CNOT7: variants seen among roughly 807,000 people sequenced by gnomAD.
The protein encoded by CNOT7 is BTG1-binding factor 1.
Under a neutral mutation model 37.1 loss-of-function variants are expected in CNOT7, and 4 were observed. The observed-to-expected ratio is 0.11, with a 90% CI of 0.05 to 0.25. The LOEUF (loss-of-function observed/expected upper bound fraction) is 0.25. CNOT7 is among the 10% of genes least tolerant of loss of function. The pLI, the probability that CNOT7 is intolerant of heterozygous loss-of-function variation, is 1.00. For missense variants in CNOT7, 170 were observed against 336.2 expected (o/e 0.51, Z 3.87); for synonymous variants, 128 against 115.6 (o/e 1.11, Z -0.69).
Position 17,246,826 on chromosome 8 carries a change from G to T in CNOT7, c.-247C>A, listed in dbSNP as rs575712715. ...GAAGGGAAAGGCGAGCAGGAGCTGC[G>T]CCGCACCGTGCTGCGCCGTCGCTTT... On this transcript the variant is annotated 5_prime_UTR_variant, in exon 1 of 7. Coordinates refer to ENST00000361272, the MANE Select transcript of CNOT7 (RefSeq NM_013354.7). The T allele has an allele frequency of 9.9e-5, 25 of 252,952 alleles. No individual in the cohort carries two copies. Among genetic ancestry groups the T allele is most frequent in the South Asian group, 9.3e-4 (25 of 26,960 alleles). The allele number at this position is 252,952 out of a possible 1,614,324, so 15.7% of individuals were successfully genotyped here. A position where few individuals can be genotyped will look rare whatever the true frequency, so the allele number is the denominator to read the frequency against.
At chr8:17,241,661 T>A (rs1810184082) in intron 3 of CNOT7, 1 of 152,278 alleles carries the variant, frequency 6.6e-6, no homozygotes, top group Admixed American at 6.5e-5. Flanking sequence ...AACAATGCAA[T>A]ATTGCAACAT....
intron 3 of CNOT7, among the ~76,000 whole-genome samples, chr8:17,238,923 G>A (rs773323305): frequency 7.2e-5 from 11 of 152,178 alleles, no homozygotes; most frequent in East Asian, 1.9e-4. Context: ...TGCCTTAGAC[G>A]CTATTCCATG....
At chr8:17,241,019 G>T (rs1810086917) in intron 3 of CNOT7, among the ~76,000 whole-genome samples, 4 of 152,174 alleles carry the variant, frequency 2.6e-5, no homozygotes, top group Admixed American at 2.6e-4. Context: ...CTGGGCCAAG[G>T]GTTGGACAAG....
intron 3 of CNOT7, among the ~76,000 whole-genome samples, chr8:17,238,580 A>G (rs768595184): frequency 1.3e-5 from 2 of 151,784 alleles, no homozygotes; most frequent in African/African-American, 4.8e-5. Flanking sequence ...AAAAATTAGA[A>G]TCTCATTCAT....
intron 3 of CNOT7, 187 bp downstream of exon 3, chr8:17,242,803 AAC>A: frequency 2.3e-6 from 1 of 426,914 alleles, no homozygotes; most frequent in Non-Finnish European, 4.1e-6. Context: ...TAACATCTTT[AAC>A]ATCAAAGTAT....
At chr8:17,240,020 C>G (rs148411748) in intron 3 of CNOT7, among the ~76,000 whole-genome samples, 2 of 152,328 alleles carry the variant, frequency 1.3e-5, no homozygotes, top group African/African-American at 4.8e-5. Flanking sequence ...GTTATAAAGA[C>G]CACGACCAAC....
chr8:17,234,675 G>C (rs1563193234), intron 5 of CNOT7, 41 bp downstream of exon 5: 2 of 1,608,134 alleles, frequency 1.2e-6, no homozygotes, highest in Non-Finnish European at 1.7e-6. Context: ...CACTTGGTCT[G>C]AACAGTGTGC....
At chr8:17,238,328 G>C (rs989437392) in intron 3 of CNOT7, among the ~76,000 whole-genome samples, 1 of 150,730 alleles carries the variant, frequency 6.6e-6, no homozygotes, top group African/African-American at 2.5e-5. Context: ...CACTTCACTT[G>C]GGCCAAAAAG....
At chr8:17,234,592 A>C (rs954057261) in intron 5 of CNOT7, 124 bp downstream of exon 5, 42 of 1,004,010 alleles carry the variant, frequency 4.2e-5, no homozygotes, top group Middle Eastern at 2.1e-4. Context: ...TGACCAGATA[A>C]TATAATTGCA....
rs553823414 is a variant in CNOT7, at chr8:17,244,850, T to C, written c.117+186A>G. On this transcript the variant is annotated intron_variant, in intron 2 of 6. Transcript: ENST00000361272. ...CGTTTTCCCTCACTGCAATGAGGGA[T>C]AAACCCAACCTGTCAAATCACAGGT... 36 of 554,582 alleles carry C rather than the reference T, an allele frequency of 6.5e-5. 1 individual carries two copies. The South Asian group carries it at 7.4e-4, about 11-fold the overall frequency. 34.4% of individuals were successfully genotyped at this position (554,582 alleles called of 1,614,324 possible).
intron 3 of CNOT7, among the ~76,000 whole-genome samples, chr8:17,239,485 G>T (rs1256204773): frequency 1.3e-5 from 2 of 152,110 alleles, no homozygotes; most frequent in Admixed American, 1.3e-4. Flanking sequence ...TTGAATTACT[G>T]CAATCACCAA....
rs1810721768 is a variant in CNOT7 at position 17,245,065 on chromosome 8, C to G, written c.88G>C (p.Val30Leu). The change falls in exon 2 of 7, where the codon GTT (valine) becomes CTT (leucine). Residue 30 changes from valine to leucine, a missense_variant. By Grantham distance (32) the Val-to-Leu change is conservative. Around this residue, in one of 6 missense-constraint regions of CNOT7, gnomAD observed 38 missense variants for 36.9 expected, o/e 1.03. Transcript: ENST00000361272. ...LDEEMKKIRQ[V>L]IRKYNYVAMD... ...GCAACGTAATTATATTTTCGGATAA[C>G]TTGACGAATTTTCTTCATCTCTTCA... 6.2e-7 allele frequency: 1 copy of G among 1,613,702 alleles called. No individual in the cohort carries two copies. The highest frequency in any genetic ancestry group is 8.5e-7 in the Non-Finnish European group (1 of 1,179,798).
chr8:17,236,735 T>A (rs766314193), intron 4 of CNOT7, among the ~76,000 whole-genome samples: 1 of 152,196 alleles, frequency 6.6e-6, no homozygotes, highest in Non-Finnish European at 1.5e-5. Flanking sequence ...CCCACCCCCA[T>A]GAGAATATAA....
intron 4 of CNOT7, among the ~76,000 whole-genome samples, chr8:17,235,710 A>C (rs1047115415): frequency 6.6e-6 from 1 of 152,216 alleles, no homozygotes; most frequent in Non-Finnish European, 1.5e-5. Flanking sequence ...TAACATTAAA[A>C]GATTATATTA....
chr8:17,245,058 C>T lies in CNOT7; in HGVS notation c.95G>A (p.Arg32Gln), dbSNP rs375278542. ...TACCATAGCAACGTAATTATATTTT[C>T]GGATAACTTGACGAATTTTCTTCAT... is the stretch of plus-strand genomic sequence containing the variant. ...EEMKKIRQVI[R>Q]KYNYVAMDTE... Residue 32 changes from arginine (R) to glutamine (Q), a missense_variant, in exon 2 of 7, where the codon CGA becomes CAA. Transcript: ENST00000361272. The T allele has an allele frequency of 5.3e-5, 86 of 1,613,364 alleles. No homozygotes were observed. The highest frequency in any genetic ancestry group is 6.3e-5 in the Non-Finnish European group (74 of 1,179,696).
chr8:17,243,723 C>T (rs1409037498), intron 2 of CNOT7: 1 of 451,328 alleles, frequency 2.2e-6, no homozygotes, highest in African/African-American at 2.0e-5. Flanking sequence ...GCCACCTACT[C>T]ACTCTTGTAG....
chr8:17,225,535 G>T lies in CNOT7; in HGVS notation c.*5185C>A, dbSNP rs1341501881. On this transcript the variant is annotated 3_prime_UTR_variant, in exon 7 of 7. Coordinates refer to ENST00000361272, the MANE Select transcript of CNOT7 (RefSeq NM_013354.7). ...ATTGCTTTTATACTAAACGTTAAAT[G>T]TAACTAATGCTGTAGAAAACTGTTT... 6.6e-6 allele frequency: 1 copy of T among 151,724 alleles called. No individual in the cohort carries two copies. Among genetic ancestry groups the T allele is most frequent in the Admixed American group, 6.6e-5 (1 of 15,222 alleles). 9.4% of individuals were successfully genotyped at this position (151,724 alleles called of 1,614,324 possible).
In CNOT7 at chr8:17,226,392, G is replaced by A. The variant is rs895981467; in HGVS notation, c.*4328C>T. The A allele has an allele frequency of 3.4e-5, 5 of 146,528 alleles. No homozygotes were observed. Among genetic ancestry groups the A allele is most frequent in the Admixed American group, 6.8e-5 (1 of 14,754 alleles). The allele number at this position is 146,528 out of a possible 1,614,324, so 9.1% of individuals were successfully genotyped here. A position where few individuals can be genotyped will look rare whatever the true frequency, so the allele number is the denominator to read the frequency against. ...TTGAAAATGTCTTTTCACACAAACAGGTCAAGGTACTGCTAAATACTGACA... is the reference window on the plus strand; with the variant it reads ...TTGAAAATGTCTTTTCACACAAACAAGTCAAGGTACTGCTAAATACTGACA... On this transcript the variant is annotated 3_prime_UTR_variant, in exon 7 of 7. Coordinates refer to ENST00000361272, the MANE Select transcript of CNOT7 (RefSeq NM_013354.7).
At chr8:17,234,904 C>G in intron 4 of CNOT7, 44 bp from the exon 5 acceptor site, 1 of 1,540,750 alleles carries the variant, frequency 6.5e-7, no homozygotes, top group East Asian at 2.3e-5. Context: ...CATATAAATA[C>G]TATAAAGATT....
Sources: gnomAD v4.1 joint callset for allele counts (sites outside exome capture counted in the v4.1 genomes callset) on GRCh38, gnomAD v4.1.1 for gene constraint, gnomAD v4.1.1 regional missense constraint, MANE v1.5 for transcripts, NCBI Gene and HGNC (gene_info 2026-07-23, HGNC 2026-07-21) for gene names.